SLMAP: variants seen among roughly 807,000 people sequenced by gnomAD.
SLMAP encodes the protein sarcolemma associated protein, also known as sarcolemmal membrane-associated protein.
Under a neutral mutation model 128.8 loss-of-function variants are expected in SLMAP, and 44 were observed. The observed-to-expected ratio is 0.34, with a 90% CI of 0.27 to 0.44. The LOEUF is 0.44. Among genes scored for constraint, SLMAP ranks in the 20% least tolerant of loss-of-function variants. The probability of loss-of-function intolerance (pLI) is 1.00; values close to 1 mark genes in which losing one functional copy is unlikely to be tolerated. For missense variants in SLMAP, 787 were observed against 985.3 expected (o/e 0.80, Z 2.69); for synonymous variants, 327 against 348.8 (o/e 0.94, Z 0.70).
chr3:57,924,963 T>TG (rs199928965), intron 23 of SLMAP, among the ~76,000 whole-genome samples: 4 of 150,196 alleles, frequency 2.7e-5, no homozygotes, highest in Non-Finnish European at 4.5e-5. Context: ...TTTTGTTTTT[T>TG]TTTTTTTTGG....
At position 57,833,428 on chromosome 3, in the gene SLMAP, G is replaced by GTT. The variant is rs398105898; in HGVS notation, c.346+1909_346+1910dup. Among the ~76,000 whole-genome samples, 109 of 147,906 alleles carry GTT rather than the reference G, an allele frequency of 7.4e-4. 1 individual carries two copies. The highest frequency in any genetic ancestry group is 8.0e-4 in the East Asian group (4 of 5,020). The stretch of plus-strand genomic sequence containing the variant: ...GTATAATCTTATTTTAGTAACATTA[G>GTT]TTTTTTTTTTTTGAGACGGAGTCTC... On this transcript the variant is annotated intron_variant, in intron 3 of 24. Transcript: ENST00000671191.
At position 57,757,144 on chromosome 3, in the gene SLMAP, G is replaced by C. The variant is rs1226458439; in HGVS notation, c.-508G>C. ...GGCGAGGACTGGCGGTGGCTGCCCA[G>C]AGGTGCCCAGCCACACCTTCCTTCG... On this transcript the variant is annotated 5_prime_UTR_variant, in exon 2 of 25. Coordinates refer to ENST00000671191, the MANE Select transcript of SLMAP (RefSeq NM_001377540.1). The C allele has an allele frequency of 5.3e-6, 1 of 187,104 alleles. No homozygotes were observed. Among genetic ancestry groups the C allele is most frequent in the African/African-American group, 2.4e-5 (1 of 41,934 alleles). 11.6% of individuals were successfully genotyped at this position (187,104 alleles called of 1,614,324 possible).
intron 2 of SLMAP, among the ~76,000 whole-genome samples, chr3:57,817,004 G>C (rs934318447): frequency 6.6e-6 from 1 of 152,192 alleles, no homozygotes; most frequent in African/African-American, 2.4e-5. Context: ...AGGTTAGATA[G>C]GGTGATTAGG....
chr3:57,896,815 T>C (rs2096254328), intron 16 of SLMAP, 58 bp from the exon 17 acceptor site: 1 of 1,522,814 alleles, frequency 6.6e-7, no homozygotes, highest in African/African-American at 1.4e-5. Flanking sequence ...TAACAATAGC[T>C]TGCTGATAGA....
intron 14 of SLMAP, among the ~76,000 whole-genome samples, chr3:57,882,324 T>C (rs1163870737): frequency 6.6e-6 from 1 of 152,070 alleles, no homozygotes; most frequent in Non-Finnish European, 1.5e-5. Flanking sequence ...AATTAATATG[T>C]TAGGAAGTGA....
intron 2 of SLMAP, among the ~76,000 whole-genome samples, chr3:57,816,556 A>G (rs982512396): frequency 6.6e-6 from 1 of 152,216 alleles, no homozygotes; most frequent in Non-Finnish European, 1.5e-5. Context: ...ATTTTATAGT[A>G]TGAATTACAT....
intron 2 of SLMAP, among the ~76,000 whole-genome samples, chr3:57,769,136 T>C (rs1252121460): frequency 6.6e-6 from 1 of 152,226 alleles, no homozygotes; most frequent in East Asian, 1.9e-4. Flanking sequence ...CTGAATTGTA[T>C]ACTTAAATTG....
chr3:57,897,037 G>A (rs933947145), intron 17 of SLMAP, 105 bp downstream of exon 17: 4 of 1,540,394 alleles, frequency 2.6e-6, no homozygotes, highest in Non-Finnish European at 3.5e-6. Context: ...TTAGTTAAGA[G>A]ATTAAGATAG....
chr3:57,861,561 G>C (rs1439306818), intron 9 of SLMAP, among the ~76,000 whole-genome samples: 3 of 151,634 alleles, frequency 2.0e-5, no homozygotes, highest in Admixed American at 6.6e-5. Flanking sequence ...AAGTTACTAA[G>C]TGTCTTTTAA....
chr3:57,841,323 C>T lies in SLMAP; in HGVS notation c.371C>T (p.Thr124Ile), dbSNP rs753184737. 1 of 1,607,550 alleles carries T rather than the reference C, an allele frequency of 6.2e-7. No individual in the cohort carries two copies. The highest frequency in any genetic ancestry group is 1.3e-5 in the African/African-American group (1 of 74,790). ...RKVTHGCIVS[T>I]IKLFLPDGME... ...GTTACCCATGGGTGTATTGTTTCCA[C>T]AATAAAACTTTTTCTACCAGATGGT... The change falls in exon 4 of 25, where the codon ACA becomes ATA. Residue 124 changes from threonine to isoleucine, a missense_variant. Physicochemically the swap from Thr to Ile is moderately conservative, Grantham distance 89. Transcript: ENST00000671191.
chr3:57,757,536 T>G lies in SLMAP; in HGVS notation c.-116T>G. 12 of 847,724 alleles carry G rather than the reference T, an allele frequency of 1.4e-5. No homozygotes were observed. The highest frequency in any genetic ancestry group is 2.3e-5 in the Non-Finnish European group (12 of 523,936). 52.5% of individuals were successfully genotyped at this position (847,724 alleles called of 1,614,324 possible). On this transcript the variant is annotated 5_prime_UTR_variant, in exon 2 of 25. Coordinates refer to ENST00000671191, the MANE Select transcript of SLMAP (RefSeq NM_001377540.1). ...CTGGTTATGCTTAGACAATGTGCAG[T>G]TTGTGTTAATTTAAAATTTTGGGTG...
rs138289426 is a variant in SLMAP, at chr3:57,827,708, T to G, written c.199-3675T>G. On this transcript the variant is annotated intron_variant, in intron 2 of 24. Coordinates refer to ENST00000671191, the MANE Select transcript of SLMAP (RefSeq NM_001377540.1). ...AATACTACAGCTGCTAGGACATTCC[T>G]TAGGCTACTGGGAAAGAAAGATAGT... Among the ~76,000 whole-genome samples the G allele has an allele frequency of 1.4e-3, 213 of 152,336 alleles. 1 individual carries two copies. The highest frequency in any genetic ancestry group is 4.5e-3 in the African/African-American group (186 of 41,572).
chr3:57,887,537 C>T (rs2095928711), intron 14 of SLMAP, among the ~76,000 whole-genome samples: 1 of 152,172 alleles, frequency 6.6e-6, no homozygotes, highest in Non-Finnish European at 1.5e-5. Context: ...AATGGCTCAA[C>T]TAAACAAACA....
chr3:57,801,409 A>G (rs2088323789), intron 2 of SLMAP: 1 of 152,816 alleles, frequency 6.5e-6, no homozygotes. Flanking sequence ...CTCATTTGCA[A>G]AATTACAGAA....
chr3:57,793,787 C>T (rs1370179234), intron 2 of SLMAP, among the ~76,000 whole-genome samples: 2 of 151,264 alleles, frequency 1.3e-5, no homozygotes, highest in Admixed American at 1.3e-4. Context: ...AAAGCTGGTG[C>T]GGTGACTCAT....
intron 13 of SLMAP, among the ~76,000 whole-genome samples, chr3:57,869,701 T>C (rs1343767446): frequency 7.0e-6 from 1 of 142,062 alleles, no homozygotes. Context: ...CTATTTTGCC[T>C]ACAGCATCCA....
At chr3:57,783,788 A>G (rs1395806298) in intron 2 of SLMAP, among the ~76,000 whole-genome samples, 1 of 152,208 alleles carries the variant, frequency 6.6e-6, no homozygotes, top group Admixed American at 6.5e-5. Context: ...TATCCCTGTC[A>G]TCACGGGTGC....
At chr3:57,787,003 T>C (rs2084349234) in intron 2 of SLMAP, among the ~76,000 whole-genome samples, 1 of 152,180 alleles carries the variant, frequency 6.6e-6, no homozygotes, top group African/African-American at 2.4e-5. Flanking sequence ...CCCAAAGTGT[T>C]GGGATTACAG....
intron 2 of SLMAP, among the ~76,000 whole-genome samples, chr3:57,761,849 C>T (rs1187263813): frequency 6.7e-6 from 1 of 149,368 alleles, no homozygotes; most frequent in Non-Finnish European, 1.5e-5. Flanking sequence ...AGATCGAGAC[C>T]ATCCTGGCTA....
Sources: allele counts gnomAD v4.1 joint callset (sites outside exome capture counted in the v4.1 genomes callset), GRCh38; gene constraint gnomAD v4.1.1; transcripts MANE v1.5; gene names NCBI Gene and HGNC (gene_info 2026-07-23, HGNC 2026-07-21).